VPS28: variants seen among roughly 807,000 people sequenced by gnomAD.
The protein encoded by VPS28 is VPS28 subunit of ESCRT-I, also known as vacuolar protein sorting-associated protein 28 homolog.
A neutral mutation model predicts 33.7 loss-of-function variants in VPS28; 29 were observed. The observed-to-expected ratio is 0.86, with a 90% CI of 0.64 to 1.17. The LOEUF is 1.17. Ranked by LOEUF, VPS28 falls within the 50% of genes most tolerant of loss-of-function variation. VPS28 has a pLI of 0.00. For synonymous variants in VPS28, 164 were observed against 116.7 expected (o/e 1.40, Z -2.61); for missense variants, 247 against 312.2 (o/e 0.79, Z 1.57).
Position 144,424,277 on chromosome 8 carries a change from A to T in VPS28, c.403-9T>A. 6.3e-7 allele frequency: 1 copy of T among 1,595,674 alleles called. No homozygotes were observed. Among genetic ancestry groups the T allele is most frequent in the Non-Finnish European group, 8.5e-7 (1 of 1,170,194 alleles). On this transcript the variant is annotated splice_polypyrimidine_tract_variant and intron_variant, in intron 7 of 9. Coordinates refer to ENST00000292510, the MANE Select transcript of VPS28 (RefSeq NM_016208.4). ...ATGACCGTGATGAAGAGCTGGGGGC[A>T]GGTGTGCACATGAGGCTCGCGTGTC...
chr8:144,425,082 G>A, intron 5 of VPS28, 31 bp from the exon 6 acceptor site: 1 of 1,539,878 alleles, frequency 6.5e-7, no homozygotes, highest in African/African-American at 1.4e-5. Context: ...GCCCAAGCAT[G>A]GGACCAGCCC....
rs1387957407 is a variant in VPS28 at position 144,426,981 on chromosome 8, T to G, written c.-34-2A>C. On this transcript the variant is annotated splice_acceptor_variant, in intron 1 of 9. Transcript: ENST00000292510. LOFTEE classifies it low-confidence loss of function (5UTR_SPLICE). The stretch of plus-strand genomic sequence containing the variant: ...CTGGGGGGGGCACAGCACTGAGACC[T>G]GGGGAGCAGAGCCAGGGCCGACTCA... The G allele has an allele frequency of 3.1e-6, 5 of 1,609,672 alleles. No homozygotes were observed. Among genetic ancestry groups the G allele is most frequent in the Non-Finnish European group, 4.2e-6 (5 of 1,178,318 alleles).
chr8:144,426,456 C>CG lies in VPS28; in HGVS notation c.38-249dup, dbSNP rs1822751896. The CG allele has an allele frequency of 1.2e-5, 6 of 507,304 alleles. No individual in the cohort carries two copies. In the South Asian group the frequency reaches 1.3e-4, roughly 11 times the overall value. The allele number at this position is 507,304 out of a possible 1,614,324, so 31.4% of individuals were successfully genotyped here. A position where few individuals can be genotyped will look rare whatever the true frequency, so the allele number is the denominator to read the frequency against. On this transcript the variant is annotated intron_variant, in intron 2 of 9. Coordinates refer to ENST00000292510, the MANE Select transcript of VPS28 (RefSeq NM_016208.4). ...GCTCCCCAGCTCCACTGCGGCTCCC[C>CG]GGGGGACCGCATGACAGGCCCAGCT...
In VPS28 at chr8:144,425,034, G is replaced by C. The variant is rs1554876365; in HGVS notation, c.212C>G (p.Ser71Cys). 7 of 1,552,182 alleles carry C rather than the reference G, an allele frequency of 4.5e-6. No individual in the cohort carries two copies. Among genetic ancestry groups the C allele is most frequent in the Non-Finnish European group, 6.1e-6 (7 of 1,147,214 alleles). Residue 71 changes from serine to cysteine, a missense_variant, in exon 6 of 10, where the codon TCC (serine) becomes TGC (cysteine). This residue lies in a region of VPS28 where 149 missense variants were observed against 172.8 expected (regional missense o/e 0.86). Coordinates refer to ENST00000292510, the MANE Select transcript of VPS28 (RefSeq NM_016208.4). ...VSPSEYTAAC[S>C]RLLVQYKAAF... ...AGCTTTGTATTGGACCAGGAGCCGG[G>C]AGCAGGCTGCAGTGTACCTAGGGAG...
chr8:144,425,654 A>C (rs1822678938), intron 5 of VPS28, 29 bp downstream of exon 5: 2 of 1,611,748 alleles, frequency 1.2e-6, no homozygotes, highest in Admixed American at 3.3e-5. Flanking sequence ...CCAGGGCAGG[A>C]ACAGACCTCC....
chr8:144,426,277 T>C, intron 2 of VPS28, 69 bp from the exon 3 acceptor site: 2 of 1,489,110 alleles, frequency 1.3e-6, no homozygotes, highest in Non-Finnish European at 1.8e-6. Context: ...CCAGTCCCAG[T>C]CTCCATTTCA....
In VPS28 at chr8:144,426,239, G is replaced by A. The variant is rs116100627; in HGVS notation, c.38-31C>T. The A allele has an allele frequency of 7.1e-3, 11,163 of 1,575,950 alleles. 632 individuals are homozygous for A. The African/African-American group carries it at 0.13, about 18-fold the overall frequency. On this transcript the variant is annotated intron_variant, in intron 2 of 9. Coordinates refer to ENST00000292510, the MANE Select transcript of VPS28 (RefSeq NM_016208.4). ...AGAGAAGGCAGAGAGCTGGCAGGCTGGCCCCAAAGGGAACCCAAGGGCAGA... is the reference window on the plus strand; with the variant it reads ...AGAGAAGGCAGAGAGCTGGCAGGCTAGCCCCAAAGGGAACCCAAGGGCAGA...
rs782308479 is a variant in VPS28 at position 144,426,052 on chromosome 8, C to T, written c.78G>A (p.Leu26=). 1.3e-6 allele frequency: 2 copies of T among 1,539,050 alleles called. No homozygotes were observed. Among genetic ancestry groups the T allele is most frequent in the South Asian group, 2.4e-5 (2 of 83,802 alleles). Reference sequence around the variant, plus strand: ...TCTCCCTCTCCCGGGCGTTCTTGTACAACTTCACTTCCTGCCGGAGAGAGC... The same window carrying T: ...TCTCCCTCTCCCGGGCGTTCTTGTATAACTTCACTTCCTGCCGGAGAGAGC... ...NKPELYEEVK[L]YKNAREREKY... The change falls in exon 4 of 10, where the codon TTG becomes TTA. Residue 26 remains leucine (L), a synonymous_variant. Transcript: ENST00000292510.
chr8:144,426,202 C>T lies in VPS28; in HGVS notation c.44G>A (p.Gly15Glu), dbSNP rs1554876743. 1.2e-6 allele frequency: 2 copies of T among 1,604,598 alleles called. No individual in the cohort carries two copies. The highest frequency in any genetic ancestry group is 1.7e-6 in the Non-Finnish European group (2 of 1,175,924). ...IPATPGIGAP[G>E]NKPELYEEVK... is the part of the protein sequence containing the mutation. ...CACCTCATACAGCTCCGGCTTGTTC[C>T]CAGGGGCTGCAAGAGAAGGCAGAGA... The change falls in exon 3 of 10, where the codon GGG (glycine) becomes GAG (glutamate). Residue 15 changes from glycine (G) to glutamate (E), a missense_variant. Physicochemically the swap from Gly to Glu is moderately conservative, Grantham distance 98 (BLOSUM62 -2). This residue lies in a region of VPS28 where 149 missense variants were observed against 172.8 expected (regional missense o/e 0.86). Transcript: ENST00000292510.
intron 1 of VPS28, among the ~76,000 whole-genome samples, chr8:144,427,674 T>C (rs1822874007): frequency 1.3e-5 from 2 of 151,976 alleles, no homozygotes; most frequent in Non-Finnish European, 2.9e-5. Context: ...TCCTAGGGAA[T>C]GAAGATGGAG....
At position 144,423,640 on chromosome 8, in the gene VPS28, G is replaced by A. The variant is rs1822515539; in HGVS notation, c.*165C>T. The A allele has an allele frequency of 2.3e-6, 2 of 871,058 alleles. No homozygotes were observed. The highest frequency in any genetic ancestry group is 3.6e-6 in the Non-Finnish European group (2 of 561,076). The allele number at this position is 871,058 out of a possible 1,614,324, so 54.0% of individuals were successfully genotyped here. A position where few individuals can be genotyped will look rare whatever the true frequency, so the allele number is the denominator to read the frequency against. On this transcript the variant is annotated 3_prime_UTR_variant, in exon 10 of 10. Transcript: ENST00000292510. ...AGGAAGGTCGGAGAGCATCTTTATTGTGGGGAGGGGCCCGGCCCCCAAAGT... is the reference window on the plus strand; with the variant it reads ...AGGAAGGTCGGAGAGCATCTTTATTATGGGGAGGGGCCCGGCCCCCAAAGT...
Position 144,423,856 on chromosome 8 carries a change from C to G in VPS28, c.615G>C (p.Leu205=), listed in dbSNP as rs782625320. 6.2e-7 allele frequency: 1 copy of G among 1,613,030 alleles called. No individual in the cohort carries two copies. The highest frequency in any genetic ancestry group is 1.3e-5 in the African/African-American group (1 of 74,942). The change falls in exon 10 of 10, where the codon CTG becomes CTC. Residue 205 remains leucine, a synonymous_variant. Coordinates refer to ENST00000292510, the MANE Select transcript of VPS28 (RefSeq NM_016208.4). ...CGTTGTAGGCTGACTCCAGGTCGAA[C>G]AGCATCTGACGCACCTGTGAGTCGT... ...ELDDSQVRQM[L]FDLESAYNAF...
At chr8:144,425,562 A>T in intron 5 of VPS28, 121 bp downstream of exon 5, 3 of 1,038,706 alleles carry the variant, frequency 2.9e-6, no homozygotes, top group Non-Finnish European at 4.2e-6. Context: ...CACCCTCCTC[A>T]CGCTGGGTGG....
In VPS28 at chr8:144,424,272, G is replaced by A; in HGVS notation, c.403-4C>T. ...TGTCCATGACCGTGATGAAGAGCTG[G>A]GGGCAGGTGTGCACATGAGGCTCGC... On this transcript the variant is annotated splice_region_variant and splice_polypyrimidine_tract_variant and intron_variant, in intron 7 of 9. Coordinates refer to ENST00000292510, the MANE Select transcript of VPS28 (RefSeq NM_016208.4). 1.9e-6 allele frequency: 3 copies of A among 1,600,554 alleles called. No individual in the cohort carries two copies. The highest frequency in any genetic ancestry group is 2.6e-6 in the Non-Finnish European group (3 of 1,172,560).
rs782785234 is a variant in VPS28 at position 144,423,906 on chromosome 8, C to T, written c.565G>A (p.Gly189Ser). 81 of 1,613,008 alleles carry T rather than the reference C, an allele frequency of 5.0e-5. No individual in the cohort carries two copies. The highest frequency in any genetic ancestry group is 4.8e-4 in the Admixed American group (29 of 59,996). The change falls in exon 10 of 10, where the codon GGC becomes AGC. Residue 189 changes from glycine to serine, a missense_variant. Gly to Ser is a moderately conservative substitution (Grantham distance 56). Coordinates refer to ENST00000292510, the MANE Select transcript of VPS28 (RefSeq NM_016208.4). ...TCCAGCTCATCTGACGCCGACATGC[C>T]GCTCAGGGTCTGCAGCCTGGGAGTG... is the stretch of plus-strand genomic sequence containing the variant. Reference protein sequence around the residue: ...TVSQWLQTLSGMSASDELDDS... With the variant: ...TVSQWLQTLSSMSASDELDDS...
At chr8:144,424,403 G>T (rs1822577346) in intron 7 of VPS28, 135 bp from the exon 8 acceptor site, 1 of 1,213,186 alleles carries the variant, frequency 8.2e-7, no homozygotes, top group African/African-American at 1.5e-5. Context: ...AACCCTGCAG[G>T]CCTCCTGGGT....
At chr8:144,424,665 G>A in intron 7 of VPS28, 53 bp downstream of exon 7, 2 of 1,585,542 alleles carry the variant, frequency 1.3e-6, no homozygotes, top group South Asian at 1.1e-5. Flanking sequence ...GTGCCCAGCT[G>A]CAGCAGGCAG....
At chr8:144,425,338 G>A (rs749858066) in intron 5 of VPS28, 19 of 552,350 alleles carry the variant, frequency 3.4e-5, no homozygotes, top group Admixed American at 1.2e-4. Context: ...CACAGCTCAT[G>A]GTCCTGTGCG....
At chr8:144,424,621 C>A in intron 7 of VPS28, 97 bp downstream of exon 7, 1 of 1,320,372 alleles carries the variant, frequency 7.6e-7, no homozygotes, top group South Asian at 1.2e-5. Context: ...AGTCAGAGTG[C>A]TGCTCAGCTC....
Sources: gnomAD v4.1 joint callset for allele counts (sites outside exome capture counted in the v4.1 genomes callset) on GRCh38, gnomAD v4.1.1 for gene constraint, gnomAD v4.1.1 regional missense constraint, MANE v1.5 for transcripts, NCBI Gene and HGNC (gene_info 2026-07-23, HGNC 2026-07-21) for gene names.